Variants in TAF3 observed in about 807,000 individuals in gnomAD.
The protein encoded by TAF3 is transcription initiation factor TFIID subunit 3.
In TAF3, 7 loss-of-function variants were observed where a neutral mutation model predicts 80.6. The ratio of observed to expected loss-of-function variants is 0.09; its 90% CI spans 0.05 to 0.16. TAF3 has a LOEUF of 0.16. TAF3 is among the 10% of genes least tolerant of loss of function. The pLI, the probability that TAF3 is intolerant of heterozygous loss-of-function variation, is 1.00. For synonymous variants in TAF3, 444 were observed against 446.1 expected, an observed-to-expected ratio of 1.00 and a Z score of 0.06; for missense variants, 921 against 1,140.2, an observed-to-expected ratio of 0.81 and a Z score of 2.77.
chr10:7,849,046 A>G (rs1367781892), intron 2 of TAF3, among the ~76,000 whole-genome samples: 1 of 152,228 alleles, frequency 6.6e-6, no homozygotes, highest in Non-Finnish European at 1.5e-5. Context: ...TTTGAGGGAC[A>G]GGAGGCTAAA....
At chr10:7,899,305 G>C (rs1837536957) in intron 2 of TAF3, among the ~76,000 whole-genome samples, 1 of 152,096 alleles carries the variant, frequency 6.6e-6, no homozygotes, top group Non-Finnish European at 1.5e-5. Flanking sequence ...AAGGGAAGAA[G>C]GAATCGCTGC....
At chr10:7,961,166 G>A (rs1289690674) in intron 2 of TAF3, among the ~76,000 whole-genome samples, 1 of 152,164 alleles carries the variant, frequency 6.6e-6, no homozygotes, top group Non-Finnish European at 1.5e-5. Flanking sequence ...GAAGCAGGGG[G>A]AAAGCACATG....
intron 2 of TAF3, among the ~76,000 whole-genome samples, chr10:7,893,044 TC>T (rs1054671832): frequency 6.6e-6 from 1 of 152,228 alleles, no homozygotes; most frequent in African/African-American, 2.4e-5. Context: ...GGTCTCCACC[TC>T]CTGACCTCCG....
chr10:7,833,212 G>A (rs1224191253), intron 2 of TAF3, among the ~76,000 whole-genome samples: 1 of 152,144 alleles, frequency 6.6e-6, no homozygotes, highest in Non-Finnish European at 1.5e-5. Context: ...AATCTTTTGG[G>A]TAAATACTCA....
chr10:8,001,055 A>G (rs1197721307), intron 4 of TAF3, among the ~76,000 whole-genome samples: 1 of 152,130 alleles, frequency 6.6e-6, no homozygotes, highest in Admixed American at 6.5e-5. Flanking sequence ...GGGTATTTTA[A>G]ATTGCAGTTA....
At chr10:7,934,389 C>T (rs77121524) in intron 2 of TAF3, among the ~76,000 whole-genome samples, 1,673 of 152,128 alleles carry the variant, frequency 0.011, 20 homozygotes, top group Middle Eastern at 0.031. Flanking sequence ...GTAGGCATTC[C>T]GTCCTTATAT....
chr10:7,842,194 G>A (rs1392826543), intron 2 of TAF3, among the ~76,000 whole-genome samples: 3 of 100,418 alleles, frequency 3.0e-5, no homozygotes, highest in Admixed American at 2.6e-4. Context: ...TTTTTTTTGA[G>A]ACAGAGTCTT....
chr10:7,875,040 G>A (rs1837301862), intron 2 of TAF3, among the ~76,000 whole-genome samples: 1 of 152,074 alleles, frequency 6.6e-6, no homozygotes, highest in Non-Finnish European at 1.5e-5. Context: ...ATAGCAGTTT[G>A]TAGGTTTTCC....
At chr10:7,995,190 T>TGCTGTC (rs1202153674) in intron 4 of TAF3, among the ~76,000 whole-genome samples, 2 of 152,144 alleles carry the variant, frequency 1.3e-5, no homozygotes, top group Non-Finnish European at 2.9e-5. Flanking sequence ...GCTTACAAAA[T>TGCTGTC]GCTGTCCTAG....
At chr10:7,947,311 T>G (rs1838034532) in intron 2 of TAF3, among the ~76,000 whole-genome samples, 1 of 131,474 alleles carries the variant, frequency 7.6e-6, no homozygotes, top group Non-Finnish European at 1.7e-5. Flanking sequence ...GGTTAAGAGC[T>G]TTCCATCAGC....
chr10:7,846,189 C>A (rs1178581343), intron 2 of TAF3, among the ~76,000 whole-genome samples: 1 of 152,086 alleles, frequency 6.6e-6, no homozygotes, highest in South Asian at 2.1e-4. Context: ...GATCTCCTGA[C>A]CTCGTGATCT....
chr10:7,933,001 T>A (rs1837883276), intron 2 of TAF3, among the ~76,000 whole-genome samples: 1 of 151,840 alleles, frequency 6.6e-6, no homozygotes, highest in Admixed American at 6.6e-5. Flanking sequence ...TAATATTAAA[T>A]GAGCAAGACT....
chr10:7,908,580 T>C (rs1033212279), intron 2 of TAF3, among the ~76,000 whole-genome samples: 3 of 152,154 alleles, frequency 2.0e-5, no homozygotes, highest in African/African-American at 7.2e-5. Context: ...CCTCCTCTTC[T>C]AAATCTGGGT....
intron 2 of TAF3, among the ~76,000 whole-genome samples, chr10:7,845,037 G>A (rs1018450265): frequency 1.3e-5 from 2 of 152,032 alleles, no homozygotes; most frequent in Admixed American, 1.3e-4. Flanking sequence ...CACATTTATG[G>A]TTTTTGACAC....
At chr10:7,963,047 G>A (rs1022677260) in intron 2 of TAF3, among the ~76,000 whole-genome samples, 1 of 152,142 alleles carries the variant, frequency 6.6e-6, no homozygotes, top group Non-Finnish European at 1.5e-5. Flanking sequence ...CTCTAGTGCC[G>A]TAACTCTAGC....
chr10:7,845,012 G>A (rs1836955590), intron 2 of TAF3, among the ~76,000 whole-genome samples: 1 of 151,878 alleles, frequency 6.6e-6, no homozygotes, highest in African/African-American at 2.4e-5. Flanking sequence ...GAAGTTTTTA[G>A]GTCAAAGGTA....
At chr10:7,918,132 C>T (rs1342304950) in intron 2 of TAF3, among the ~76,000 whole-genome samples, 2 of 152,126 alleles carry the variant, frequency 1.3e-5, no homozygotes, top group African/African-American at 4.8e-5. Context: ...CATTGGCTGA[C>T]TTGGGAAGAG....
intron 2 of TAF3, among the ~76,000 whole-genome samples, chr10:7,863,721 A>ACATATATATATACACATATATATATACG (rs1564350957): frequency 7.9e-6 from 1 of 126,174 alleles, no homozygotes; most frequent in African/African-American, 3.1e-5. Flanking sequence ...ATATATATAC[A>ACATATATATATACACATATATATATACG]CATATATATA....
chr10:7,856,250 C>T (rs907943790), intron 2 of TAF3, among the ~76,000 whole-genome samples: 8 of 151,734 alleles, frequency 5.3e-5, no homozygotes, highest in Middle Eastern at 6.9e-3. Flanking sequence ...CCGAGGCGGG[C>T]GGATCACTTG....
Sources: allele counts gnomAD v4.1 joint callset (sites outside exome capture counted in the v4.1 genomes callset), GRCh38; gene constraint gnomAD v4.1.1; transcripts MANE v1.5; gene names NCBI Gene and HGNC (gene_info 2026-07-23, HGNC 2026-07-21).